Variants in RORA observed in about 807,000 individuals in gnomAD.
RORA encodes nuclear receptor ROR-alpha.
A neutral mutation model predicts 69.5 loss-of-function variants in RORA; 7 were observed. The observed-to-expected ratio is 0.10, with a 90% CI of 0.06 to 0.19. The LOEUF (loss-of-function observed/expected upper bound fraction) is 0.19. RORA is among the 10% of genes least tolerant of loss of function. The probability of loss-of-function intolerance (pLI) is 1.00; values close to 1 mark genes in which losing one functional copy is unlikely to be tolerated. For synonymous variants in RORA, 261 were observed against 240.8 expected, an observed-to-expected ratio of 1.08 and a Z score of -0.78; for missense variants, 457 against 663.0, an observed-to-expected ratio of 0.69 and a Z score of 3.41.
intron 1 of RORA, among the ~76,000 whole-genome samples, chr15:61,159,609 A>T (rs575942600): frequency 6.6e-6 from 1 of 152,288 alleles, no homozygotes; most frequent in South Asian, 2.1e-4. Flanking sequence ...CAATCAGGAA[A>T]CCTAACATCG....
chr15:61,010,717 A>G (rs1024500338), intron 1 of RORA, among the ~76,000 whole-genome samples: 1 of 152,122 alleles, frequency 6.6e-6, no homozygotes, highest in African/African-American at 2.4e-5. Context: ...AAAAACATCA[A>G]TGAAGTCATA....
rs1474179921 is a variant in RORA at position 61,226,011 on chromosome 15, C to T, written c.166+3042G>A. Among the ~76,000 whole-genome samples, 2 of 152,088 alleles carry T rather than the reference C, an allele frequency of 1.3e-5. No individual in the cohort carries two copies. The highest frequency in any genetic ancestry group is 2.9e-5 in the Non-Finnish European group (2 of 68,022). On this transcript the variant is annotated intron_variant, in intron 1 of 10. Transcript: ENST00000335670. This position sits in a 1 kb window ranked among gnomAD's most constrained non-coding sequence, Gnocchi z 4.2. ...AGCAGTTTTATGGACAGGGGAAGGT[C>T]GTCTTTCAGATTATAAAGTCACACA...
chr15:60,774,286 C>G (rs1394216853), intron 1 of RORA, among the ~76,000 whole-genome samples: 1 of 152,188 alleles, frequency 6.6e-6, no homozygotes, highest in Non-Finnish European at 1.5e-5. Flanking sequence ...AATGTCAAGG[C>G]CAGTCATGAT....
At chr15:61,016,848 T>C (rs1595880475) in intron 1 of RORA, among the ~76,000 whole-genome samples, 1 of 152,168 alleles carries the variant, frequency 6.6e-6, no homozygotes, top group East Asian at 1.9e-4. Flanking sequence ...AAAAGCTTAC[T>C]TTTAAAGTAA....
chr15:60,824,828 C>T (rs1049302170), intron 1 of RORA, among the ~76,000 whole-genome samples: 1 of 152,162 alleles, frequency 6.6e-6, no homozygotes, highest in Non-Finnish European at 1.5e-5. Flanking sequence ...ATTTACTTAT[C>T]CAAAAGACCA....
At chr15:60,992,694 G>A (rs1566936207) in intron 1 of RORA, among the ~76,000 whole-genome samples, 1 of 152,128 alleles carries the variant, frequency 6.6e-6, no homozygotes, top group Non-Finnish European at 1.5e-5. Context: ...GATGTTTTCA[G>A]AGAGCCATTC....
At chr15:60,903,672 G>T (rs1891452973) in intron 1 of RORA, among the ~76,000 whole-genome samples, 1 of 152,204 alleles carries the variant, frequency 6.6e-6, no homozygotes, top group African/African-American at 2.4e-5. Flanking sequence ...TAAATTCACA[G>T]ATGAGTGCAC....
intron 1 of RORA, among the ~76,000 whole-genome samples, chr15:61,069,304 C>A: frequency 6.6e-6 from 1 of 152,148 alleles, no homozygotes; most frequent in Non-Finnish European, 1.5e-5. Flanking sequence ...ACTGCCATTT[C>A]TTTAAAAACG....
chr15:60,840,362 A>T (rs925892426), intron 1 of RORA, among the ~76,000 whole-genome samples: 1 of 152,220 alleles, frequency 6.6e-6, no homozygotes, highest in Non-Finnish European at 1.5e-5. Context: ...AGAGCTCAAC[A>T]TGGGGCCAGG....
intron 1 of RORA, among the ~76,000 whole-genome samples, chr15:60,910,646 G>T (rs1305466419): frequency 2.0e-5 from 3 of 152,132 alleles, no homozygotes; most frequent in African/African-American, 7.2e-5. Flanking sequence ...AATTCACAAA[G>T]AACTTAGAGA....
chr15:60,915,128 TC>T (rs1891834507), intron 1 of RORA, among the ~76,000 whole-genome samples: 1 of 152,182 alleles, frequency 6.6e-6, no homozygotes, highest in African/African-American at 2.4e-5. Flanking sequence ...CTCAGCTTTT[TC>T]CAGCCCAATA....
intron 1 of RORA, among the ~76,000 whole-genome samples, chr15:60,857,204 C>T (rs752443070): frequency 2.6e-5 from 4 of 152,092 alleles, no homozygotes; most frequent in African/African-American, 4.8e-5. Flanking sequence ...AGTTGAGGGG[C>T]ACATGGGTGA....
intron 1 of RORA, among the ~76,000 whole-genome samples, chr15:61,220,102 G>A (rs1438990379): frequency 1.3e-5 from 2 of 152,246 alleles, no homozygotes; most frequent in African/African-American, 2.4e-5. Context: ...CACGTGATGA[G>A]TGCCAGAAAT....
chr15:61,117,812 TG>T (rs1307026361), intron 1 of RORA, among the ~76,000 whole-genome samples: 2 of 152,234 alleles, frequency 1.3e-5, no homozygotes, highest in African/African-American at 4.8e-5. Context: ...TAATTTTTGA[TG>T]CTGTAAAATG....
Position 60,854,569 on chromosome 15 carries a change from A to G in RORA, c.167-175883T>C, listed in dbSNP as rs559552951. Among the ~76,000 whole-genome samples, 11 of 152,358 alleles carry G rather than the reference A, an allele frequency of 7.2e-5. No individual in the cohort carries two copies. The South Asian group carries it at 2.3e-3, about 32-fold the overall frequency. On this transcript the variant is annotated intron_variant, in intron 1 of 10. Transcript: ENST00000335670. ...ATAAACCAAGGCACACAGCACACAC[A>G]TGAACATATGGCTGAATATGGCCTT... is the stretch of plus-strand genomic sequence containing the variant.
At chr15:60,684,596 G>A (rs571148429) in intron 1 of RORA, among the ~76,000 whole-genome samples, 9 of 152,172 alleles carry the variant, frequency 5.9e-5, no homozygotes, top group Non-Finnish European at 1.0e-4. Flanking sequence ...CAGCCTGGGC[G>A]ACAGTGCGAG....
At chr15:61,078,903 A>G (rs947662663) in intron 1 of RORA, among the ~76,000 whole-genome samples, 1 of 152,146 alleles carries the variant, frequency 6.6e-6, no homozygotes, top group Non-Finnish European at 1.5e-5. Context: ...TACTATTTCT[A>G]AACTTTATAA....
intron 2 of RORA, among the ~76,000 whole-genome samples, chr15:60,642,559 A>G (rs1225349533): frequency 6.6e-6 from 1 of 152,160 alleles, no homozygotes; most frequent in African/African-American, 2.4e-5. Context: ...CTTACTGTAG[A>G]TGGGTAACAT....
At chr15:61,228,866 T>C (rs2080173441) in intron 1 of RORA, among the ~76,000 whole-genome samples, 187 bp downstream of exon 1, 1 of 150,518 alleles carries the variant, frequency 6.6e-6, no homozygotes, top group Non-Finnish European at 1.5e-5. Context: ...GAGAACGGGC[T>C]GCAAAAGTTT....
Sources: allele counts gnomAD v4.1 joint callset (sites outside exome capture counted in the v4.1 genomes callset), GRCh38; gene constraint gnomAD v4.1.1; non-coding constraint Gnocchi (gnomAD v3.1); transcripts MANE v1.5; gene names NCBI Gene and HGNC (gene_info 2026-07-23, HGNC 2026-07-21).